The following LHFPL2 variants were observed in gnomAD, a reference collection of about 807,000 sequenced individuals.
LHFPL2 encodes the protein LHFPL tetraspan subfamily member 2.
Under a neutral mutation model 17.5 loss-of-function variants are expected in LHFPL2, and 7 were observed. That is an observed-to-expected ratio of 0.40 (90% CI 0.23 to 0.75). The LOEUF (loss-of-function observed/expected upper bound fraction) is 0.75, where lower values mean the gene tolerates loss of function less well. Among genes scored for constraint, LHFPL2 ranks in the 30% least tolerant of loss-of-function variants. The probability of loss-of-function intolerance (pLI) is 0.37; values close to 1 mark genes in which losing one functional copy is unlikely to be tolerated. For missense variants in LHFPL2, 241 were observed against 294.8 expected (o/e 0.82, Z 1.34); for synonymous variants, 134 against 116.2 (o/e 1.15, Z -0.99).
At position 78,521,536 on chromosome 5, in the gene LHFPL2, A is replaced by T. The variant is rs575857400; in HGVS notation, c.-185-11138T>A. ...CCATGGATAGATTTAAATTTTTTTA[A>T]AAAAATTTTGCCTCCCATGCTGTTA... On this transcript the variant is annotated intron_variant, in intron 3 of 4. Transcript: ENST00000380345. Among the ~76,000 whole-genome samples the T allele has an allele frequency of 2.6e-5, 4 of 152,342 alleles. 1 individual carries two copies. Among genetic ancestry groups the T allele is most frequent in the African/African-American group, 9.6e-5 (4 of 41,578 alleles).
At chr5:78,604,305 C>T (rs1561361177) in intron 2 of LHFPL2, among the ~76,000 whole-genome samples, 1 of 118,276 alleles carries the variant, frequency 8.5e-6, no homozygotes, top group Non-Finnish European at 1.7e-5. Context: ...TGGCGAAACC[C>T]CATCTCTACT....
At chr5:78,625,575 T>G (rs7720371) in intron 2 of LHFPL2, 36,572 of 151,948 alleles carry the variant, frequency 0.24, 4,990 homozygotes, top group Middle Eastern at 0.32. Context: ...ACATCTCCAT[T>G]TTCTAACCTA....
intron 2 of LHFPL2, among the ~76,000 whole-genome samples, chr5:78,579,072 T>C (rs1172418305): frequency 6.6e-6 from 1 of 152,018 alleles, no homozygotes; most frequent in Non-Finnish European, 1.5e-5. Context: ...TATCAAGGGG[T>C]AGGTTATTTC....
intron 3 of LHFPL2, among the ~76,000 whole-genome samples, chr5:78,561,600 C>T (rs1436065597): frequency 3.9e-5 from 6 of 152,274 alleles, no homozygotes; most frequent in South Asian, 2.1e-4. Context: ...CAACAAGACA[C>T]GGTTCAAACA....
chr5:78,576,354 T>C (rs1483704445), intron 2 of LHFPL2, among the ~76,000 whole-genome samples: 1 of 152,030 alleles, frequency 6.6e-6, no homozygotes, highest in Non-Finnish European at 1.5e-5. Flanking sequence ...AATTAGAGTC[T>C]TCATAAATTA....
intron 2 of LHFPL2, among the ~76,000 whole-genome samples, chr5:78,620,742 C>T (rs148479685): frequency 1.3e-5 from 2 of 152,324 alleles, no homozygotes; most frequent in Non-Finnish European, 2.9e-5. Context: ...CAGCGCAGAA[C>T]GCTATGAGCA....
chr5:78,598,399 AAC>A (rs1035337411), intron 2 of LHFPL2, among the ~76,000 whole-genome samples: 35 of 152,246 alleles, frequency 2.3e-4, no homozygotes, highest in African/African-American at 7.7e-4. Context: ...CCAACAAAGA[AAC>A]ACAGCTCACT....
At chr5:78,608,757 C>T (rs140515880) in intron 2 of LHFPL2, among the ~76,000 whole-genome samples, 2,783 of 151,952 alleles carry the variant, frequency 0.018, 78 homozygotes, top group African/African-American at 0.064. Context: ...ATGGTGAAAC[C>T]CCATCTCTAC....
intron 4 of LHFPL2, among the ~76,000 whole-genome samples, chr5:78,502,310 A>G (rs946347805): frequency 6.6e-6 from 1 of 152,240 alleles, no homozygotes; most frequent in African/African-American, 2.4e-5. Flanking sequence ...TCTAGAAGAA[A>G]GATGCAGTTT....
intron 2 of LHFPL2, among the ~76,000 whole-genome samples, chr5:78,592,819 C>T (rs183775699): frequency 1.3e-5 from 2 of 152,184 alleles, no homozygotes; most frequent in Admixed American, 6.5e-5. Flanking sequence ...CTGAATTACT[C>T]CTGGCCATCC....
chr5:78,531,946 A>T (rs1755797024), intron 3 of LHFPL2, among the ~76,000 whole-genome samples: 1 of 148,254 alleles, frequency 6.7e-6, no homozygotes. Context: ...TTTTTTTGAG[A>T]CAGAGTCTCA....
Position 78,499,547 on chromosome 5 carries a change from G to T in LHFPL2, c.430+10237C>A, listed in dbSNP as rs117922150. On this transcript the variant is annotated intron_variant, in intron 4 of 4. Transcript: ENST00000380345. The stretch of plus-strand genomic sequence containing the variant: ...TATCCTAGACTGCTGTTTTACTGCA[G>T]ACCAGAGACTAACTTCCAAGACAAA... 1.3e-3 allele frequency among the ~76,000 whole-genome samples: 198 copies of T among 152,314 alleles called. 7 individuals are homozygous for T. The East Asian group carries it at 0.032, about 24-fold the overall frequency.
chr5:78,544,310 G>A (rs1166583102), intron 3 of LHFPL2, among the ~76,000 whole-genome samples: 1 of 152,208 alleles, frequency 6.6e-6, no homozygotes, highest in Admixed American at 6.5e-5. Flanking sequence ...GAGCAGGTCT[G>A]CAATAAATAT....
At chr5:78,636,411 C>T (rs1376153728) in intron 1 of LHFPL2, among the ~76,000 whole-genome samples, 2 of 152,126 alleles carry the variant, frequency 1.3e-5, no homozygotes, top group Admixed American at 6.6e-5. Flanking sequence ...CCAGCTGATC[C>T]CCCCACACTG....
Position 78,522,309 on chromosome 5 carries a change from G to C in LHFPL2, c.-185-11911C>G, listed in dbSNP as rs1755482515. Among the ~76,000 whole-genome samples, 6 of 152,184 alleles carry C rather than the reference G, an allele frequency of 3.9e-5. 1 individual carries two copies. The South Asian group carries it at 1.2e-3, about 32-fold the overall frequency. ...AAAATTTAGCCAGGCATGGTGGCGG[G>C]CACCTGTAGTCTCAGCTACTCAGGA... On this transcript the variant is annotated intron_variant, in intron 3 of 4. Coordinates refer to ENST00000380345, the MANE Select transcript of LHFPL2 (RefSeq NM_005779.3).
chr5:78,647,209 T>G (rs2112536520), intron 1 of LHFPL2, among the ~76,000 whole-genome samples: 1 of 152,218 alleles, frequency 6.6e-6, no homozygotes, highest in Middle Eastern at 3.2e-3. Context: ...AAAAAACATT[T>G]CCTCTTCCCG....
chr5:78,634,420 T>C (rs1159381285), intron 1 of LHFPL2, among the ~76,000 whole-genome samples: 1 of 152,198 alleles, frequency 6.6e-6, no homozygotes, highest in Non-Finnish European at 1.5e-5. Flanking sequence ...AAAACCCAAC[T>C]GCCACCCCAG....
chr5:78,511,910 A>G (rs576382348), intron 3 of LHFPL2, among the ~76,000 whole-genome samples: 24 of 152,266 alleles, frequency 1.6e-4, no homozygotes, highest in African/African-American at 5.5e-4. Flanking sequence ...TGGGTAAGGG[A>G]AGGGAGTCCA....
chr5:78,506,937 G>A (rs982135253), intron 4 of LHFPL2, among the ~76,000 whole-genome samples: 6 of 141,510 alleles, frequency 4.2e-5, no homozygotes, highest in African/African-American at 1.5e-4. Flanking sequence ...CTTCCAGACT[G>A]GAAAGAGGCA....
Sources: allele counts gnomAD v4.1 joint callset (sites outside exome capture counted in the v4.1 genomes callset), GRCh38; gene constraint gnomAD v4.1.1; transcripts MANE v1.5; gene names NCBI Gene and HGNC (gene_info 2026-07-23, HGNC 2026-07-21).